The following GRK3 variants were observed in gnomAD, a reference collection of about 807,000 sequenced individuals.
GRK3 encodes adrenergic, beta, receptor kinase 2.
GRK3 carries 54 observed loss-of-function variants against 95.7 expected under a neutral mutation model. That is an observed-to-expected ratio of 0.56 (90% CI 0.45 to 0.71). GRK3 has a LOEUF of 0.71. GRK3 is among the 30% of genes least tolerant of loss of function. GRK3 has a pLI of 0.00. For synonymous variants in GRK3, 281 were observed against 290.8 expected (o/e 0.97, Z 0.34); for missense variants, 649 against 851.2 (o/e 0.76, Z 2.96).
chr22:25,657,543 A>AT lies in GRK3; in HGVS notation c.265-4030dup, dbSNP rs2084881091. On this transcript the variant is annotated intron_variant, in intron 3 of 20. Transcript: ENST00000324198. ...ATCTTTTCCCATCGTTCTACTATCA[A>AT]TTTGTTTTTATATATAAAGTGTGTT... Among the ~76,000 whole-genome samples the AT allele has an allele frequency of 4.6e-5, 7 of 152,194 alleles. No individual in the cohort carries two copies. In the South Asian group the frequency reaches 1.5e-3, roughly 32 times the overall value.
At chr22:25,607,593 T>A (rs533150990) in intron 2 of GRK3, among the ~76,000 whole-genome samples, 26 of 152,238 alleles carry the variant, frequency 1.7e-4, no homozygotes, top group African/African-American at 5.8e-4. Context: ...TATTTATTTT[T>A]TGGGACAGAG....
At chr22:25,596,223 G>A (rs746403483) in intron 1 of GRK3, among the ~76,000 whole-genome samples, 4 of 152,186 alleles carry the variant, frequency 2.6e-5, no homozygotes, top group East Asian at 1.9e-4. Context: ...AATGAGAGTC[G>A]TGGGTAGGTA....
chr22:25,678,192 T>C (rs1402577046), intron 8 of GRK3, among the ~76,000 whole-genome samples: 1 of 152,170 alleles, frequency 6.6e-6, no homozygotes, highest in Admixed American at 6.5e-5. Flanking sequence ...CGGTGGCTCA[T>C]GCCTGTAATC....
At chr22:25,680,945 G>T (rs1355169541) in intron 9 of GRK3, among the ~76,000 whole-genome samples, 1 of 151,104 alleles carries the variant, frequency 6.6e-6, no homozygotes, top group East Asian at 1.9e-4. Context: ...CTTTTTACTG[G>T]AAGGTTTTTT....
chr22:25,576,407 C>G (rs561097339), intron 1 of GRK3, among the ~76,000 whole-genome samples: 1 of 152,192 alleles, frequency 6.6e-6, no homozygotes, highest in African/African-American at 2.4e-5. Flanking sequence ...GGTGGGCACA[C>G]GTCCACTGGA....
chr22:25,722,212 T>C lies in GRK3; in HGVS notation c.1906-77T>C. ...CCTTCAGGGGTTCCAGGGACGCTGG[T>C]AATCAATAGGGGCAGCCTCCGCTGT... On this transcript the variant is annotated intron_variant, in intron 20 of 20. Transcript: ENST00000324198. The C allele has an allele frequency of 5.2e-6, 8 of 1,535,668 alleles. No individual in the cohort carries two copies. In the South Asian group the frequency reaches 7.1e-5, roughly 14 times the overall value.
chr22:25,625,395 G>A (rs2084619828), intron 2 of GRK3, among the ~76,000 whole-genome samples: 2 of 152,214 alleles, frequency 1.3e-5, no homozygotes, highest in South Asian at 4.1e-4. Flanking sequence ...AGACAAGAGT[G>A]CGAACTTTCT....
Position 25,727,960 on chromosome 22 carries a change from T to G in GRK3, c.*5510T>G, listed in dbSNP as rs1324736272. The G allele has an allele frequency of 2.0e-5, 3 of 152,152 alleles. No individual in the cohort carries two copies. The highest frequency in any genetic ancestry group is 7.2e-5 in the African/African-American group (3 of 41,420). 9.4% of individuals were successfully genotyped at this position (152,152 alleles called of 1,614,324 possible). A position where few individuals can be genotyped will look rare whatever the true frequency, so the allele number is the denominator to read the frequency against. On this transcript the variant is annotated 3_prime_UTR_variant, in exon 21 of 21. Transcript: ENST00000324198. ...TATAATAGATCTGGCTTTTTCTGGA[T>G]AGCATAAAGATCACTGAACTATATA... is the stretch of plus-strand genomic sequence containing the variant.
intron 9 of GRK3, among the ~76,000 whole-genome samples, chr22:25,679,668 G>GT (rs1201161486): frequency 6.6e-6 from 1 of 152,130 alleles, no homozygotes; most frequent in Non-Finnish European, 1.5e-5. Context: ...TCAGTACCCT[G>GT]TTACAGCGTG....
chr22:25,718,752 T>C (rs1029677167), intron 19 of GRK3, among the ~76,000 whole-genome samples: 4 of 152,192 alleles, frequency 2.6e-5, no homozygotes, highest in Admixed American at 1.3e-4. Flanking sequence ...ACACGTCACA[T>C]TGACTCTCTC....
rs1461742540 is a variant in GRK3, at chr22:25,727,964, A to G, written c.*5514A>G. Reference sequence around the variant, plus strand: ...ATAGATCTGGCTTTTTCTGGATAGCATAAAGATCACTGAACTATATATATA... The same window carrying G: ...ATAGATCTGGCTTTTTCTGGATAGCGTAAAGATCACTGAACTATATATATA... On this transcript the variant is annotated 3_prime_UTR_variant, in exon 21 of 21. Transcript: ENST00000324198. The G allele has an allele frequency of 2.6e-5, 4 of 152,218 alleles. No individual in the cohort carries two copies. In the East Asian group the frequency reaches 5.8e-4, roughly 22 times the overall value. 9.4% of individuals were successfully genotyped at this position (152,218 alleles called of 1,614,324 possible).
chr22:25,702,245 C>T (rs1317736753), intron 13 of GRK3, among the ~76,000 whole-genome samples: 1 of 152,134 alleles, frequency 6.6e-6, no homozygotes, highest in Non-Finnish European at 1.5e-5. Context: ...ATGTAATAAT[C>T]TCAAAAGATA....
chr22:25,660,480 G>A (rs1239021469), intron 3 of GRK3, among the ~76,000 whole-genome samples: 4 of 152,168 alleles, frequency 2.6e-5, no homozygotes, highest in Non-Finnish European at 4.4e-5. Context: ...CAATTAAGAT[G>A]TTCCTGGGAA....
chr22:25,635,902 A>G (rs370113226), intron 2 of GRK3, among the ~76,000 whole-genome samples: 2 of 152,278 alleles, frequency 1.3e-5, no homozygotes, highest in East Asian at 1.9e-4. Flanking sequence ...CTGGCATTTG[A>G]CTATTAAGAA....
At chr22:25,635,079 C>A (rs897022152) in intron 2 of GRK3, among the ~76,000 whole-genome samples, 3 of 152,094 alleles carry the variant, frequency 2.0e-5, no homozygotes, top group African/African-American at 7.2e-5. Context: ...TGAATGTGGC[C>A]CCACATAAAT....
Position 25,724,386 on chromosome 22 carries a change from C to T in GRK3, c.*1936C>T, listed in dbSNP as rs1438172410. 1.3e-5 allele frequency: 2 copies of T among 152,218 alleles called. No homozygotes were observed. Among genetic ancestry groups the T allele is most frequent in the African/African-American group, 4.8e-5 (2 of 41,450 alleles). The allele number at this position is 152,218 out of a possible 1,614,324, so 9.4% of individuals were successfully genotyped here. On this transcript the variant is annotated 3_prime_UTR_variant, in exon 21 of 21. Coordinates refer to ENST00000324198, the MANE Select transcript of GRK3 (RefSeq NM_005160.4). ...TAATATCTCGTACCTAGGGCGTGAGCTGCACAAACGTGTTCAGAAAGATTA... is the reference window on the plus strand; with the variant it reads ...TAATATCTCGTACCTAGGGCGTGAGTTGCACAAACGTGTTCAGAAAGATTA...
chr22:25,643,809 T>C (rs946829560), intron 2 of GRK3, among the ~76,000 whole-genome samples: 1 of 152,196 alleles, frequency 6.6e-6, no homozygotes, highest in Non-Finnish European at 1.5e-5. Context: ...AAGTAAACAT[T>C]CATTCAGTGA....
chr22:25,702,703 T>C (rs992103325), intron 13 of GRK3: 8 of 380,084 alleles, frequency 2.1e-5, no homozygotes, highest in African/African-American at 1.5e-4. Context: ...GTAAGAGTTA[T>C]CTTTATTAAT....
chr22:25,651,536 G>A (rs1008753209), intron 3 of GRK3, among the ~76,000 whole-genome samples: 2 of 152,224 alleles, frequency 1.3e-5, no homozygotes, highest in Non-Finnish European at 2.9e-5. Context: ...CCTAAGAAGA[G>A]TGACGTCATT....
Sources: gnomAD v4.1 joint callset for allele counts (sites outside exome capture counted in the v4.1 genomes callset) on GRCh38, gnomAD v4.1.1 for gene constraint, MANE v1.5 for transcripts, NCBI Gene and HGNC (gene_info 2026-07-23, HGNC 2026-07-21) for gene names.